ADAM17: variants seen among roughly 807,000 people sequenced by gnomAD.
ADAM17 encodes the protein ADAM metallopeptidase domain 17.
ADAM17 carries 39 observed loss-of-function variants against 96.7 expected under a neutral mutation model. The ratio of observed to expected loss-of-function variants is 0.40; its 90% CI spans 0.31 to 0.53. The LOEUF (loss-of-function observed/expected upper bound fraction) is 0.53, where lower values mean the gene tolerates loss of function less well. Ranked by LOEUF, ADAM17 falls within the 20% of genes least tolerant of loss-of-function variation. The pLI is 0.44. For synonymous variants in ADAM17, 344 were observed against 359.2 expected, an observed-to-expected ratio of 0.96 and a Z score of 0.48; for missense variants, 777 against 1,013.2, an observed-to-expected ratio of 0.77 and a Z score of 3.17.
At chr2:9,553,994 C>T (rs986330119) in intron 1 of ADAM17, among the ~76,000 whole-genome samples, 2 of 152,002 alleles carry the variant, frequency 1.3e-5, no homozygotes, top group African/African-American at 2.4e-5. Flanking sequence ...CCCCGGGAGG[C>T]GGAGGTTGCA....
chr2:9,533,013 AC>A (rs1664811434), intron 4 of ADAM17, among the ~76,000 whole-genome samples: 1 of 151,906 alleles, frequency 6.6e-6, no homozygotes, highest in Non-Finnish European at 1.5e-5. Flanking sequence ...ACACAGTGAA[AC>A]CCCATCTCTA....
At chr2:9,534,537 AAAAC>A (rs1011107186) in intron 4 of ADAM17, among the ~76,000 whole-genome samples, 19 of 152,216 alleles carry the variant, frequency 1.2e-4, no homozygotes, top group Admixed American at 7.2e-4. Context: ...TCCGTCTCAA[AAAAC>A]AAACAAACAA....
intron 13 of ADAM17, among the ~76,000 whole-genome samples, chr2:9,499,470 C>T (rs887084281): frequency 3.3e-5 from 5 of 151,926 alleles, no homozygotes; most frequent in South Asian, 2.1e-4. Context: ...GGCGTGATCT[C>T]GGCTCACTGC....
At chr2:9,512,187 A>T (rs1196954755) in intron 10 of ADAM17, 1 of 152,122 alleles carries the variant, frequency 6.6e-6, no homozygotes, top group Admixed American at 6.6e-5. Flanking sequence ...CTCAAATCCC[A>T]AAGGTGTAAT....
chr2:9,517,514 C>G (rs139530671), intron 10 of ADAM17, among the ~76,000 whole-genome samples: 1 of 152,282 alleles, frequency 6.6e-6, no homozygotes, highest in East Asian at 1.9e-4. Flanking sequence ...GCAAGATACA[C>G]TACACCAAAA....
Position 9,494,736 on chromosome 2 carries a change from C to T in ADAM17, c.1815G>A (p.Arg605=). 4 of 1,614,094 alleles carry T rather than the reference C, an allele frequency of 2.5e-6. No individual in the cohort carries two copies. Among genetic ancestry groups the T allele is most frequent in the Non-Finnish European group, 2.5e-6 (3 of 1,179,996 alleles). Residue 605 remains arginine (R), a synonymous_variant, in exon 15 of 19, where the codon AGG becomes AGA. Transcript: ENST00000310823. ...ETDNSCKVCC[R]DLSGRCVPYV... is the part of the protein sequence containing the mutation. ...AGGGCACACAGCGGCCAGAAAGGTCCCTGCAGCACACCTTGCAGGAGTTGT... is the reference window on the plus strand; with the variant it reads ...AGGGCACACAGCGGCCAGAAAGGTCTCTGCAGCACACCTTGCAGGAGTTGT...
chr2:9,505,719 C>CCTCA (rs1338465044), intron 11 of ADAM17: 3 of 263,234 alleles, frequency 1.1e-5, no homozygotes, highest in African/African-American at 6.6e-5. Flanking sequence ...CTTGAAATCT[C>CCTCA]CTCACCTCAG....
At chr2:9,549,180 G>C (rs933796977) in intron 1 of ADAM17, among the ~76,000 whole-genome samples, 16 of 152,136 alleles carry the variant, frequency 1.1e-4, no homozygotes, top group African/African-American at 3.9e-4. Flanking sequence ...AGACCAGCCT[G>C]GCCAACATGG....
In ADAM17 at chr2:9,493,755, T is replaced by C. The variant is rs140933944; in HGVS notation, c.1985A>G (p.Asn662Ser). The C allele has an allele frequency of 4.7e-5, 76 of 1,613,550 alleles. No homozygotes were observed. The highest frequency in any genetic ancestry group is 1.3e-4 in the Admixed American group (8 of 59,988). ...CTGGGGAAATCACCTACCAAAAGTA[T>C]TGATGCTCAGCTGGTCAATGAAATC... is the stretch of plus-strand genomic sequence containing the variant. Reference protein sequence around the residue: ...FWDFIDQLSINTFGKFLADNI... With the variant: ...FWDFIDQLSISTFGKFLADNI... The change falls in exon 16 of 19, where the codon AAT becomes AGT. Residue 662 changes from asparagine (N) to serine (S), a missense_variant. Around this residue, in one of 3 missense-constraint regions of ADAM17, gnomAD observed 197 missense variants for 219.4 expected, o/e 0.90. Transcript: ENST00000310823.
chr2:9,532,278 T>C (rs1664777196), intron 4 of ADAM17, among the ~76,000 whole-genome samples: 1 of 152,158 alleles, frequency 6.6e-6, no homozygotes, highest in Non-Finnish European at 1.5e-5. Context: ...GTAACAAGGT[T>C]CTAGGGTGGT....
At chr2:9,539,227 C>A (rs13008271) in intron 2 of ADAM17, among the ~76,000 whole-genome samples, 34,667 of 151,768 alleles carry the variant, frequency 0.23, 4,709 homozygotes, top group Middle Eastern at 0.32. Flanking sequence ...CCTGCCTCAG[C>A]CTCCCAAATA....
chr2:9,540,083 G>A (rs1665146268), intron 2 of ADAM17, among the ~76,000 whole-genome samples: 1 of 152,134 alleles, frequency 6.6e-6, no homozygotes, highest in Non-Finnish European at 1.5e-5. Context: ...TGTCATCTAC[G>A]AAACTTGAAA....
chr2:9,493,049 C>T, intron 16 of ADAM17, 63 bp from the exon 17 acceptor site: 1 of 1,351,628 alleles, frequency 7.4e-7, no homozygotes, highest in Non-Finnish European at 1.0e-6. Flanking sequence ...AAGTGAAATG[C>T]TCTTAGGATA....
intron 11 of ADAM17, 94 bp from the exon 12 acceptor site, chr2:9,505,459 T>A: frequency 1.5e-6 from 2 of 1,320,048 alleles, no homozygotes; most frequent in South Asian, 1.2e-5. Flanking sequence ...AAACTCTTAA[T>A]GTAAAACCAC....
At chr2:9,492,762 TAAC>T (rs1442202856) in intron 17 of ADAM17, 133 bp downstream of exon 17, 12 of 641,300 alleles carry the variant, frequency 1.9e-5, no homozygotes, top group South Asian at 9.9e-5. Context: ...CCCCTAGGAA[TAAC>T]AACAAAAAAA....
chr2:9,526,090 G>T (rs1013211005), intron 6 of ADAM17, 21 bp downstream of exon 6: 1 of 1,568,508 alleles, frequency 6.4e-7, no homozygotes, highest in South Asian at 1.2e-5. Context: ...TCAATTACTC[G>T]ATGCAATATC....
rs369846038 is a variant in ADAM17 at position 9,499,488 on chromosome 2, G to A, written c.1649-2240C>T. On this transcript the variant is annotated intron_variant, in intron 13 of 18. Transcript: ENST00000310823. ...GTGATCTCGGCTCACTGCAAGCTCC[G>A]CCTCCCGGGTTCACGCCATTCTCCT... Among the ~76,000 whole-genome samples, 42 of 151,966 alleles carry A rather than the reference G, an allele frequency of 2.8e-4. 1 individual carries two copies. The South Asian group carries it at 8.1e-3, about 29-fold the overall frequency.
At chr2:9,528,550 G>A (rs774979744) in intron 4 of ADAM17, among the ~76,000 whole-genome samples, 2 of 152,136 alleles carry the variant, frequency 1.3e-5, no homozygotes, top group Admixed American at 1.3e-4. Context: ...ATGTTACAAG[G>A]CCAGAGTAAA....
At chr2:9,550,624 T>G (rs1468676604) in intron 1 of ADAM17, among the ~76,000 whole-genome samples, 2 of 151,744 alleles carry the variant, frequency 1.3e-5, no homozygotes, top group Non-Finnish European at 2.9e-5. Context: ...TTTTGTATTT[T>G]TAGTAGAGAC....
Sources: allele counts gnomAD v4.1 joint callset (sites outside exome capture counted in the v4.1 genomes callset), GRCh38; gene constraint gnomAD v4.1.1; regional missense constraint gnomAD v4.1.1; transcripts MANE v1.5; gene names NCBI Gene and HGNC (gene_info 2026-07-23, HGNC 2026-07-21).